RBPJ: variants seen among roughly 807,000 people sequenced by gnomAD.
RBPJ encodes the protein recombining binding protein suppressor of hairless.
Under a neutral mutation model 67.8 loss-of-function variants are expected in RBPJ, and 9 were observed. That is an observed-to-expected ratio of 0.13 (90% CI 0.08 to 0.23). RBPJ has a LOEUF of 0.23. Among genes scored for constraint, RBPJ ranks in the 10% least tolerant of loss-of-function variants. RBPJ has a pLI of 1.00. For synonymous variants in RBPJ, 198 were observed against 203.3 expected (o/e 0.97, Z 0.22); for missense variants, 305 against 595.6 (o/e 0.51, Z 5.08).
At chr4:26,278,635 T>C (rs758435327) in intron 1 of RBPJ, among the ~76,000 whole-genome samples, 2 of 152,254 alleles carry the variant, frequency 1.3e-5, no homozygotes, top group East Asian at 3.8e-4. Flanking sequence ...CAAAAGTTTC[T>C]ATTCCTATAG....
the RBPJ span, among the ~76,000 whole-genome samples, chr4:26,148,128 G>A: frequency 2.0e-5 from 3 of 152,228 alleles, no homozygotes; most frequent in African/African-American, 4.8e-5. Flanking sequence ...CTTCTTGATG[G>A]ATTGTGGAAC....
In RBPJ at chr4:26,304,043, C is replaced by T. The variant is rs73113362; in HGVS notation, c.-166-58403C>T. Among the ~76,000 whole-genome samples the T allele has an allele frequency of 7.4e-3, 1,124 of 152,230 alleles. 13 individuals are homozygous for T. Among genetic ancestry groups the T allele is most frequent in the African/African-American group, 0.025 (1,055 of 41,528 alleles). ...ACAGTTATCCCCACATACACACTGC[C>T]GGGCCCTAGACAGCCATTAATCTGC... is the stretch of plus-strand genomic sequence containing the variant. On this transcript the variant is annotated intron_variant, in intron 1 of 4. Coordinates refer to the RBPJ transcript ENST00000512351.
At chr4:26,309,567 G>A (rs566735884) in intron 1 of RBPJ, among the ~76,000 whole-genome samples, 1 of 152,274 alleles carries the variant, frequency 6.6e-6, no homozygotes, top group South Asian at 2.1e-4. Context: ...TCAAAGTTGG[G>A]CATTTGGTTT....
At chr4:26,406,467 C>G (rs953107697) in intron 3 of RBPJ, among the ~76,000 whole-genome samples, 197 bp downstream of exon 3, 1 of 152,168 alleles carries the variant, frequency 6.6e-6, no homozygotes, top group African/African-American at 2.4e-5. Context: ...ATAATTGGTG[C>G]TGTGAAGAAA....
chr4:26,175,750 T>A (rs6824647), intron 1 of RBPJ, among the ~76,000 whole-genome samples: 1 of 152,084 alleles, frequency 6.6e-6, no homozygotes, highest in East Asian at 1.9e-4. Context: ...CTATTCTCCA[T>A]GGTCTTTGAA....
intron 1 of RBPJ, among the ~76,000 whole-genome samples, chr4:26,219,087 A>T (rs1473031475): frequency 6.6e-6 from 1 of 152,232 alleles, no homozygotes; most frequent in Non-Finnish European, 1.5e-5. Flanking sequence ...GCAATACCGT[A>T]AGAGGAAGTA....
chr4:26,401,290 A>G (rs967523024), intron 2 of RBPJ, among the ~76,000 whole-genome samples: 25 of 152,242 alleles, frequency 1.6e-4, no homozygotes, highest in Non-Finnish European at 2.4e-4. Context: ...CACCAAAGCT[A>G]TACCCCTAAT....
Position 26,224,771 on chromosome 4 carries a change from G to T in RBPJ, c.-167+61157G>T, listed in dbSNP as rs547610028. ...GTTTGCTAAATGTATGCCAGTCAGG[G>T]CAGCGAAAACAACGCTCAGTAAATT... On this transcript the variant is annotated intron_variant, in intron 1 of 4. Coordinates refer to the RBPJ transcript ENST00000512351. Among the ~76,000 whole-genome samples the T allele has an allele frequency of 1.9e-4, 29 of 152,348 alleles. No homozygotes were observed. In the South Asian group the frequency reaches 5.6e-3, roughly 29 times the overall value.
At chr4:26,244,804 T>C (rs970687996) in intron 1 of RBPJ, among the ~76,000 whole-genome samples, 5 of 151,966 alleles carry the variant, frequency 3.3e-5, no homozygotes, top group African/African-American at 1.2e-4. Context: ...CCGGCTAATT[T>C]TGTATTTTTA....
chr4:26,175,322 G>A (rs919799441), intron 1 of RBPJ, among the ~76,000 whole-genome samples: 2 of 152,066 alleles, frequency 1.3e-5, no homozygotes, highest in Non-Finnish European at 2.9e-5. Flanking sequence ...CATGACTCGG[G>A]AGAGCAGACC....
At chr4:26,398,118 A>G (rs183745921) in intron 2 of RBPJ, among the ~76,000 whole-genome samples, 15 of 152,178 alleles carry the variant, frequency 9.9e-5, no homozygotes, top group African/African-American at 3.4e-4. Flanking sequence ...TTCTTGATAC[A>G]ACAAAAATAA....
intron 1 of RBPJ, among the ~76,000 whole-genome samples, chr4:26,295,978 C>G (rs1041167067): frequency 6.6e-6 from 1 of 152,188 alleles, no homozygotes; most frequent in Non-Finnish European, 1.5e-5. Context: ...AAACAGATTC[C>G]TCCCATTTAG....
chr4:26,367,016 C>T (rs778451244), intron 1 of RBPJ, among the ~76,000 whole-genome samples: 5 of 151,664 alleles, frequency 3.3e-5, no homozygotes, highest in South Asian at 2.1e-4. Context: ...CCCAGCTACT[C>T]GGGAGGCTGA....
At chr4:26,345,756 A>G (rs886162211) in intron 1 of RBPJ, among the ~76,000 whole-genome samples, 23 of 152,172 alleles carry the variant, frequency 1.5e-4, no homozygotes, top group Admixed American at 2.6e-4. Flanking sequence ...TAACTCTGTC[A>G]TCTACGTGCT....
chr4:26,169,268 T>G (rs961013162), intron 1 of RBPJ, among the ~76,000 whole-genome samples: 1 of 152,132 alleles, frequency 6.6e-6, no homozygotes, highest in East Asian at 1.9e-4. Context: ...GTCCTTTCTG[T>G]TTGTTAGTTT....
At chr4:26,415,295 C>A (rs181330288) in intron 3 of RBPJ, among the ~76,000 whole-genome samples, 180 bp from the exon 4 acceptor site, 1 of 152,122 alleles carries the variant, frequency 6.6e-6, no homozygotes, top group Non-Finnish European at 1.5e-5. Context: ...GTGGAAGTCC[C>A]GATTTCTGTC....
chr4:26,114,478 C>CATAT, the RBPJ span, among the ~76,000 whole-genome samples: 358 of 123,150 alleles, frequency 2.9e-3, 14 homozygotes, highest in South Asian at 0.036. Context: ...AAAGAATGTA[C>CATAT]ATATATATAT....
At chr4:26,315,372 C>T (rs1217158226), upstream of RBPJ, among the ~76,000 whole-genome samples, 1 of 151,042 alleles carries the variant, frequency 6.6e-6, no homozygotes, top group Non-Finnish European at 1.5e-5. Context: ...CTGTGATGTC[C>T]ACCTGAGCTG....
At chr4:26,230,613 G>A (rs1402945673) in intron 1 of RBPJ, among the ~76,000 whole-genome samples, 1 of 152,160 alleles carries the variant, frequency 6.6e-6, no homozygotes, top group East Asian at 1.9e-4. Flanking sequence ...CTAACCACCA[G>A]CCTCTACTGC....
Sources: gnomAD v4.1 joint callset for allele counts (sites outside exome capture counted in the v4.1 genomes callset) on GRCh38, gnomAD v4.1.1 for gene constraint, MANE v1.5 for transcripts, NCBI Gene and HGNC (gene_info 2026-07-23, HGNC 2026-07-21) for gene names.